Variants in DPYD observed in about 807,000 individuals in gnomAD.
DPYD encodes dihydropyrimidine dehydrogenase, also known as dihydropyrimidine dehydrogenase [NADP(+)].
A neutral mutation model predicts 116.2 loss-of-function variants in DPYD; 109 were observed. The observed-to-expected ratio is 0.94, with a 90% CI of 0.80 to 1.10. The LOEUF is 1.10. Among genes scored for constraint, DPYD ranks in the 50% least tolerant of loss-of-function variants. The probability of loss-of-function intolerance (pLI) is 0.00; values close to 1 mark genes in which losing one functional copy is unlikely to be tolerated. For missense variants in DPYD, 1,302 were observed against 1,254.5 expected, an observed-to-expected ratio of 1.04 and a Z score of -0.57; for synonymous variants, 440 against 432.0, an observed-to-expected ratio of 1.02 and a Z score of -0.23.
At chr1:97,242,122 GTGTATATA>G (rs1475054360) in intron 18 of DPYD, among the ~76,000 whole-genome samples, 5,149 of 71,542 alleles carry the variant, frequency 0.072, 775 homozygotes, top group East Asian at 0.097. Flanking sequence ...GTGTGTGCGT[GTGTATATA>G]TATATATATA....
intron 5 of DPYD, among the ~76,000 whole-genome samples, chr1:97,712,359 T>C (rs1043487364): frequency 1.3e-5 from 2 of 152,092 alleles, no homozygotes; most frequent in South Asian, 2.1e-4. Context: ...ACCTTTTCTA[T>C]TGAGATTGTC....
At chr1:97,720,384 C>T in intron 5 of DPYD, 1 of 985,288 alleles carries the variant, frequency 1.0e-6, no homozygotes. Context: ...GAATCTTCTC[C>T]ATCAACTAAG....
intron 8 of DPYD, among the ~76,000 whole-genome samples, chr1:97,632,279 A>G (rs1397332538): frequency 6.6e-6 from 1 of 152,108 alleles, no homozygotes; most frequent in Non-Finnish European, 1.5e-5. Flanking sequence ...CATGCTATAC[A>G]TCAAAGAGGA....
intron 8 of DPYD, among the ~76,000 whole-genome samples, chr1:97,675,921 G>A (rs1346534866): frequency 1.3e-5 from 2 of 151,894 alleles, no homozygotes; most frequent in Non-Finnish European, 2.9e-5. Context: ...GCTAATTTTT[G>A]TATTTTTAGT....
At chr1:97,818,706 T>C (rs1393020245) in intron 3 of DPYD, among the ~76,000 whole-genome samples, 2 of 152,018 alleles carry the variant, frequency 1.3e-5, no homozygotes, top group Non-Finnish European at 2.9e-5. Context: ...AGTGAATGAA[T>C]GGAAGTAATA....
chr1:97,902,110 T>C (rs1673398128), intron 1 of DPYD, among the ~76,000 whole-genome samples: 1 of 151,742 alleles, frequency 6.6e-6, no homozygotes, highest in Non-Finnish European at 1.5e-5. Flanking sequence ...GGAACTTATA[T>C]AAGGCATAAA....
chr1:97,344,806 T>C lies in DPYD; in HGVS notation c.2058+28755A>G, dbSNP rs542706459. On this transcript the variant is annotated intron_variant, in intron 16 of 22. Coordinates refer to ENST00000370192, the MANE Select transcript of DPYD (RefSeq NM_000110.4). Reference sequence around the variant, plus strand: ...GTGCTAACTTGAACTACATGAAACATGTTTATGCATGTACTATAATTTTTA... The same window carrying C: ...GTGCTAACTTGAACTACATGAAACACGTTTATGCATGTACTATAATTTTTA... 2.6e-5 allele frequency among the ~76,000 whole-genome samples: 4 copies of C among 151,994 alleles called. No individual in the cohort carries two copies. The South Asian group carries it at 6.2e-4, about 24-fold the overall frequency.
intron 2 of DPYD, among the ~76,000 whole-genome samples, chr1:97,836,309 C>T (rs535819662): frequency 6.6e-6 from 1 of 152,292 alleles, no homozygotes; most frequent in African/African-American, 2.4e-5. Flanking sequence ...GTCTCATTTA[C>T]TCAATCCAGT....
chr1:97,812,255 T>C (rs1668380102), intron 3 of DPYD, among the ~76,000 whole-genome samples: 1 of 152,178 alleles, frequency 6.6e-6, no homozygotes, highest in South Asian at 2.1e-4. Context: ...CTGTTCATTC[T>C]TATACCTTAG....
intron 12 of DPYD, among the ~76,000 whole-genome samples, chr1:97,538,256 T>C (rs1650166535): frequency 1.3e-5 from 2 of 152,120 alleles, no homozygotes; most frequent in Admixed American, 1.3e-4. Flanking sequence ...ACTTCTCATT[T>C]CTCTTCAAAC....
intron 3 of DPYD, among the ~76,000 whole-genome samples, chr1:97,760,035 C>T (rs550191618): frequency 3.3e-5 from 5 of 152,166 alleles, no homozygotes; most frequent in African/African-American, 4.8e-5. Flanking sequence ...TCTTAAAGAA[C>T]GATGTCTTCA....
chr1:97,523,214 A>G (rs747000875), intron 12 of DPYD, among the ~76,000 whole-genome samples: 11 of 152,182 alleles, frequency 7.2e-5, no homozygotes, highest in Admixed American at 3.3e-4. Context: ...GAAAAGCTAA[A>G]TGTCCAAGTT....
intron 16 of DPYD, among the ~76,000 whole-genome samples, chr1:97,313,193 T>C (rs1190366772): frequency 6.6e-6 from 1 of 151,902 alleles, no homozygotes; most frequent in African/African-American, 2.4e-5. Flanking sequence ...ATAGTAGGCA[T>C]TCAACAGTAT....
At chr1:97,597,750 C>T (rs1407624418) in intron 8 of DPYD, among the ~76,000 whole-genome samples, 1 of 152,266 alleles carries the variant, frequency 6.6e-6, no homozygotes, top group South Asian at 2.1e-4. Flanking sequence ...CTTGGGAGTT[C>T]CAGTCTCCTG....
chr1:97,078,628 C>A lies in DPYD; in HGVS notation c.*348G>T. ...CTTAATTTCACTTACAATTAGAAAT[C>A]AAATATGGAGCACAGCATAGGGCAA... On this transcript the variant is annotated 3_prime_UTR_variant, in exon 23 of 23. Transcript: ENST00000370192. 3.7e-6 allele frequency: 1 copy of A among 273,254 alleles called. No individual in the cohort carries two copies. Among genetic ancestry groups the A allele is most frequent in the Non-Finnish European group, 7.1e-6 (1 of 140,326 alleles). The allele number at this position is 273,254 out of a possible 1,614,324, so 16.9% of individuals were successfully genotyped here.
At chr1:97,344,200 G>A (rs539998295) in intron 16 of DPYD, among the ~76,000 whole-genome samples, 27 of 151,968 alleles carry the variant, frequency 1.8e-4, no homozygotes, top group African/African-American at 6.3e-4. Flanking sequence ...GAGAGAGAGA[G>A]AGAGAGAATC....
At chr1:97,744,153 G>A (rs1284490697) in intron 3 of DPYD, among the ~76,000 whole-genome samples, 1 of 151,834 alleles carries the variant, frequency 6.6e-6, no homozygotes, top group Non-Finnish European at 1.5e-5. Context: ...GTTACTTAAA[G>A]GCCAAAAACT....
intron 18 of DPYD, among the ~76,000 whole-genome samples, chr1:97,254,808 C>A (rs184509078): frequency 3.9e-5 from 6 of 152,200 alleles, no homozygotes; most frequent in African/African-American, 1.4e-4. Context: ...TTCAACACTC[C>A]CTACTTCAGA....
intron 14 of DPYD, among the ~76,000 whole-genome samples, chr1:97,392,575 T>C (rs1672766813): frequency 6.6e-6 from 1 of 152,078 alleles, no homozygotes; most frequent in African/African-American, 2.4e-5. Flanking sequence ...GTAGAACTTC[T>C]TTCAATCCTC....
Sources: gnomAD v4.1 joint callset for allele counts (sites outside exome capture counted in the v4.1 genomes callset) on GRCh38, gnomAD v4.1.1 for gene constraint, MANE v1.5 for transcripts, NCBI Gene and HGNC (gene_info 2026-07-23, HGNC 2026-07-21) for gene names.